RARRES1: variants seen among roughly 807,000 people sequenced by gnomAD.
The protein encoded by RARRES1 is retinoic acid receptor responder protein 1.
A neutral mutation model predicts 30.6 loss-of-function variants in RARRES1; 34 were observed. The ratio of observed to expected loss-of-function variants is 1.11; its 90% confidence interval spans 0.84 to 1.48. RARRES1 has a LOEUF of 1.48. RARRES1 is among the 40% of genes most tolerant of loss of function. The pLI is 0.00. For missense variants in RARRES1, 373 were observed against 386.5 expected (o/e 0.97, Z 0.29); for synonymous variants, 153 against 155.5 (o/e 0.98, Z 0.12).
At chr3:158,699,579 T>G (rs908716229) in intron 4 of RARRES1, among the ~76,000 whole-genome samples, 5 of 151,732 alleles carry the variant, frequency 3.3e-5, no homozygotes, top group African/African-American at 1.2e-4. Flanking sequence ...GCCTCTTCTT[T>G]GCCTCGCTGA....
At chr3:158,703,745 A>T (rs1008413740) in intron 4 of RARRES1, among the ~76,000 whole-genome samples, 1 of 152,100 alleles carries the variant, frequency 6.6e-6, no homozygotes, top group South Asian at 2.1e-4. Flanking sequence ...TTCTTTTCCC[A>T]TATCTCTAAC....
At chr3:158,719,387 T>C (rs551980064) in intron 1 of RARRES1, among the ~76,000 whole-genome samples, 20 of 151,640 alleles carry the variant, frequency 1.3e-4, no homozygotes, top group African/African-American at 4.6e-4. Context: ...TTGTCCTGCC[T>C]CAGCCTCCCG....
chr3:158,715,963 G>T lies in RARRES1; in HGVS notation c.277-2104C>A, dbSNP rs1022126450. 7.2e-5 allele frequency among the ~76,000 whole-genome samples: 11 copies of T among 152,280 alleles called. No homozygotes were observed. The South Asian group carries it at 1.0e-3, about 14-fold the overall frequency. On this transcript the variant is annotated intron_variant, in intron 1 of 5. Coordinates refer to ENST00000237696, the MANE Select transcript of RARRES1 (RefSeq NM_206963.2). ...CGCAAACAACTAACACTCAGAAGGC[G>T]ACACTTCAGCTTGCCAGTGGGTTCT...
chr3:158,698,671 C>T (rs1267991414), intron 4 of RARRES1, among the ~76,000 whole-genome samples: 1 of 116,402 alleles, frequency 8.6e-6, no homozygotes, highest in African/African-American at 3.8e-5. Context: ...TTCTTTCTGA[C>T]ATTTCCTTTT....
At position 158,732,332 on chromosome 3, in the gene RARRES1, C is replaced by CAGCAGCGCG. The variant is rs1727937258; in HGVS notation, c.75_83dup (p.Ala26_Leu28dup). ...GCGCCGCCACCGGGGCGAGCAACAG[C>CAGCAGCGCG]AGCAGCGCGAGCAGCGGGGCGGTGG... On this transcript the variant is annotated inframe_insertion, in exon 1 of 6. Coordinates refer to ENST00000237696, the MANE Select transcript of RARRES1 (RefSeq NM_206963.2). 16 of 1,399,660 alleles carry CAGCAGCGCG rather than the reference C, an allele frequency of 1.1e-5. No homozygotes were observed. The highest frequency in any genetic ancestry group is 1.5e-5 in the Non-Finnish European group (16 of 1,085,648). The allele number at this position is 1,399,660 out of a possible 1,614,324, so 86.7% of individuals were successfully genotyped here. A position where few individuals can be genotyped will look rare whatever the true frequency, so the allele number is the denominator to read the frequency against.
intron 1 of RARRES1, among the ~76,000 whole-genome samples, chr3:158,715,539 C>T (rs910696306): frequency 1.3e-5 from 2 of 152,162 alleles, no homozygotes; most frequent in African/African-American, 4.8e-5. Flanking sequence ...TTAAACATAT[C>T]CACAATACAC....
chr3:158,705,060 A>G lies in RARRES1; in HGVS notation c.536-133T>C, dbSNP rs950513219. The G allele has an allele frequency of 4.1e-6, 5 of 1,216,566 alleles. No individual in the cohort carries two copies. In the Admixed American group the frequency reaches 1.4e-4, roughly 34 times the overall value. The allele number at this position is 1,216,566 out of a possible 1,614,324, so 75.4% of individuals were successfully genotyped here. On this transcript the variant is annotated intron_variant, in intron 3 of 5. Coordinates refer to ENST00000237696, the MANE Select transcript of RARRES1 (RefSeq NM_206963.2). ...CTCACAGCAAGACCTTGAGCCATAT[A>G]TGTGATTTGTTTGTATCTGTTTCTA...
At chr3:158,704,670 T>C (rs1726853556) in intron 4 of RARRES1, 121 bp downstream of exon 4, 1 of 1,401,818 alleles carries the variant, frequency 7.1e-7, no homozygotes, top group African/African-American at 1.4e-5. Context: ...CTCACATATT[T>C]ATTGAAATAA....
intron 4 of RARRES1, 166 bp from the exon 5 acceptor site, chr3:158,698,136 A>T: frequency 1.7e-6 from 1 of 582,634 alleles, no homozygotes; most frequent in East Asian, 2.9e-5. Flanking sequence ...GAAGTCATGG[A>T]TCCTCATTTT....
At chr3:158,711,521 G>A (rs1727134078) in intron 2 of RARRES1, among the ~76,000 whole-genome samples, 1 of 151,394 alleles carries the variant, frequency 6.6e-6, no homozygotes, top group East Asian at 1.9e-4. Flanking sequence ...ATCTAATCCA[G>A]AAGAAATGGG....
At chr3:158,703,641 G>T (rs1279051086) in intron 4 of RARRES1, among the ~76,000 whole-genome samples, 1 of 152,098 alleles carries the variant, frequency 6.6e-6, no homozygotes, top group Non-Finnish European at 1.5e-5. Context: ...TTGACTTCCA[G>T]TTGCTCAATG....
At chr3:158,707,624 G>T (rs972726270) in intron 3 of RARRES1, among the ~76,000 whole-genome samples, 3 of 152,188 alleles carry the variant, frequency 2.0e-5, no homozygotes, top group African/African-American at 7.2e-5. Flanking sequence ...AGGCAAGACC[G>T]TCTCCTGAAA....
chr3:158,721,476 C>G (rs777790384), intron 1 of RARRES1, among the ~76,000 whole-genome samples: 10 of 152,166 alleles, frequency 6.6e-5, no homozygotes, highest in Non-Finnish European at 1.5e-4. Flanking sequence ...GGAGAACTCT[C>G]TAGCTACTGA....
chr3:158,711,885 C>T (rs1156566008), intron 2 of RARRES1, among the ~76,000 whole-genome samples: 1 of 152,150 alleles, frequency 6.6e-6, no homozygotes, highest in Non-Finnish European at 1.5e-5. Flanking sequence ...TGAGCCACCA[C>T]CCCCAGCATT....
At chr3:158,731,582 G>A (rs1035986954) in intron 1 of RARRES1, among the ~76,000 whole-genome samples, 2 of 152,206 alleles carry the variant, frequency 1.3e-5, no homozygotes, top group African/African-American at 2.4e-5. Context: ...GCATTAGCAG[G>A]TTTCTGCCCA....
chr3:158,697,918 A>G lies in RARRES1; in HGVS notation c.725T>C (p.Leu242Ser). ...AATGTTATGTTTTACCTGTGTTGAT[A>G]ATTCATGAAGTAGAACAGTATAATC... The part of the protein sequence containing the change: ...DFDYTVLLHE[L>S]STQEIIPCRI... The change falls in exon 5 of 6, where the codon TTA becomes TCA. Residue 242 changes from leucine to serine, a missense_variant. Coordinates refer to ENST00000237696, the MANE Select transcript of RARRES1 (RefSeq NM_206963.2). 3.9e-6 allele frequency: 6 copies of G among 1,556,530 alleles called. No homozygotes were observed. The highest frequency in any genetic ancestry group is 5.3e-6 in the Non-Finnish European group (6 of 1,129,190).
In RARRES1 at chr3:158,697,663, G is replaced by A; in HGVS notation, c.*15C>T. 6.3e-7 allele frequency: 1 copy of A among 1,597,774 alleles called. No individual in the cohort carries two copies. Among genetic ancestry groups the A allele is most frequent in the Non-Finnish European group, 8.6e-7 (1 of 1,168,886 alleles). ...GTCACTTGTTTAGAAGTCGGAAAAA[G>A]ATCATTTTTTCTTTTTAGAAATTAC... On this transcript the variant is annotated 3_prime_UTR_variant, in exon 6 of 6. Transcript: ENST00000237696.
At chr3:158,705,882 A>G (rs535374336) in intron 3 of RARRES1, among the ~76,000 whole-genome samples, 1 of 152,294 alleles carries the variant, frequency 6.6e-6, no homozygotes, top group Non-Finnish European at 1.5e-5. Context: ...CTTAAAACTT[A>G]AACAATATTA....
At chr3:158,732,040 A>ACGTC in intron 1 of RARRES1, 100 bp downstream of exon 1, 1 of 1,146,444 alleles carries the variant, frequency 8.7e-7, no homozygotes, top group East Asian at 3.2e-5. Flanking sequence ...TCCCTGGCGG[A>ACGTC]CCATCCGTTG....
Sources: gnomAD v4.1 joint callset for allele counts (sites outside exome capture counted in the v4.1 genomes callset) on GRCh38, gnomAD v4.1.1 for gene constraint, MANE v1.5 for transcripts, NCBI Gene and HGNC (gene_info 2026-07-23, HGNC 2026-07-21) for gene names.